The following KCNH1 variants were observed in gnomAD, a reference collection of about 807,000 sequenced individuals.
KCNH1 encodes the protein potassium voltage-gated channel subfamily H member 1.
Under a neutral mutation model 69.2 loss-of-function variants are expected in KCNH1, and 27 were observed. The ratio of observed to expected loss-of-function variants is 0.39; its 90% confidence interval spans 0.29 to 0.54. The LOEUF is 0.54. KCNH1 is among the 20% of genes least tolerant of loss of function. The pLI is 0.68. For synonymous variants in KCNH1, 456 were observed against 487.7 expected, an observed-to-expected ratio of 0.93 and a Z score of 0.86; for missense variants, 798 against 1,261.6, an observed-to-expected ratio of 0.63 and a Z score of 5.57.
chr1:210,834,001 G>A (rs571138330), intron 7 of KCNH1, among the ~76,000 whole-genome samples: 5 of 152,190 alleles, frequency 3.3e-5, no homozygotes, highest in African/African-American at 4.8e-5. Context: ...TCTCACACCA[G>A]TTAGAATGGC....
At chr1:210,712,305 T>C (rs1475164280) in intron 10 of KCNH1, among the ~76,000 whole-genome samples, 2 of 152,234 alleles carry the variant, frequency 1.3e-5, no homozygotes, top group East Asian at 1.9e-4. Flanking sequence ...GCAAGGGTCA[T>C]TGAGCCCATG....
intron 1 of KCNH1, among the ~76,000 whole-genome samples, chr1:211,119,690 A>AT (rs1204674462): frequency 6.6e-6 from 1 of 152,320 alleles, no homozygotes; most frequent in African/African-American, 2.4e-5. Context: ...CTCTATTGTG[A>AT]TTTTCAACAA....
intron 5 of KCNH1, among the ~76,000 whole-genome samples, chr1:211,034,828 C>A (rs771966297): frequency 2.0e-5 from 3 of 152,252 alleles, no homozygotes; most frequent in Middle Eastern, 6.8e-3. Context: ...TCAAAAGAAT[C>A]CACAGTAAAC....
At chr1:210,821,309 G>T (rs370147779) in intron 7 of KCNH1, among the ~76,000 whole-genome samples, 1 of 152,114 alleles carries the variant, frequency 6.6e-6, no homozygotes, top group Non-Finnish European at 1.5e-5. Context: ...ATAGCAAAGA[G>T]TAATAATAAA....
intron 10 of KCNH1, among the ~76,000 whole-genome samples, chr1:210,723,834 T>C (rs757979353): frequency 5.3e-5 from 8 of 152,190 alleles, no homozygotes; most frequent in Non-Finnish European, 1.2e-4. Flanking sequence ...TTGGGCAGCA[T>C]TGATGCTTTG....
chr1:210,721,656 G>A (rs1048765184), intron 10 of KCNH1, among the ~76,000 whole-genome samples: 23 of 152,112 alleles, frequency 1.5e-4, no homozygotes, highest in East Asian at 5.8e-4. Flanking sequence ...ATCAGAAGCC[G>A]TAGAAGGAGC....
At chr1:210,971,421 G>T (rs918541979) in intron 6 of KCNH1, among the ~76,000 whole-genome samples, 22 of 152,102 alleles carry the variant, frequency 1.4e-4, no homozygotes, top group Non-Finnish European at 2.6e-4. Flanking sequence ...AAAGCTGGTT[G>T]CTAAACACAG....
chr1:210,918,508 T>A (rs1687393802), intron 7 of KCNH1, among the ~76,000 whole-genome samples: 1 of 152,144 alleles, frequency 6.6e-6, no homozygotes, highest in African/African-American at 2.4e-5. Context: ...TACATAAGAC[T>A]CCCTTTAATG....
intron 7 of KCNH1, among the ~76,000 whole-genome samples, chr1:210,834,792 G>C (rs1180743444): frequency 1.3e-5 from 2 of 152,046 alleles, no homozygotes; most frequent in Non-Finnish European, 2.9e-5. Flanking sequence ...CTTACCAATG[G>C]AAGTAGCATG....
At chr1:210,728,565 A>G (rs1386918940) in intron 10 of KCNH1, among the ~76,000 whole-genome samples, 1 of 152,218 alleles carries the variant, frequency 6.6e-6, no homozygotes. Flanking sequence ...TCATTTACTT[A>G]AAATGGGAAA....
At chr1:210,718,913 G>A (rs142491409) in intron 10 of KCNH1, among the ~76,000 whole-genome samples, 24 of 151,916 alleles carry the variant, frequency 1.6e-4, no homozygotes, top group African/African-American at 5.6e-4. Context: ...AGACTCAAGA[G>A]TCTGTGGGGA....
chr1:211,047,260 A>G (rs1378227404), intron 5 of KCNH1, among the ~76,000 whole-genome samples: 2 of 152,196 alleles, frequency 1.3e-5, no homozygotes, highest in Non-Finnish European at 2.9e-5. Context: ...AATATCCTGA[A>G]CTAACTTAAA....
intron 7 of KCNH1, among the ~76,000 whole-genome samples, chr1:210,872,070 AAC>A (rs1335109904): frequency 3.3e-5 from 5 of 151,810 alleles, no homozygotes; most frequent in Non-Finnish European, 7.4e-5. Context: ...AATTAAAAAA[AAC>A]AAAATATATA....
intron 7 of KCNH1, among the ~76,000 whole-genome samples, chr1:210,916,369 T>A (rs780954448): frequency 6.6e-6 from 1 of 152,222 alleles, no homozygotes; most frequent in Non-Finnish European, 1.5e-5. Context: ...GACAGGTTGC[T>A]GAAAAATGAC....
In KCNH1 at chr1:211,067,854, A is replaced by G. The variant is rs117083110; in HGVS notation, c.558+14926T>C. Among the ~76,000 whole-genome samples, 66 of 152,310 alleles carry G rather than the reference A, an allele frequency of 4.3e-4. 2 individuals carry two copies. The East Asian group carries it at 0.011, about 26-fold the overall frequency. The stretch of plus-strand genomic sequence containing the variant: ...CTCATTCCAGAGTCCACCACTTACC[A>G]CCAGGTGACCTCGAACAAGTCAGTG... On this transcript the variant is annotated intron_variant, in intron 5 of 10. Coordinates refer to ENST00000271751, the MANE Select transcript of KCNH1 (RefSeq NM_172362.3).
At chr1:211,020,980 G>A (rs1167090182) in intron 5 of KCNH1, among the ~76,000 whole-genome samples, 1 of 152,120 alleles carries the variant, frequency 6.6e-6, no homozygotes, top group Non-Finnish European at 1.5e-5. Flanking sequence ...TAGAAGAAAG[G>A]TACTCAAATG....
chr1:210,960,603 T>C (rs1329399559), intron 6 of KCNH1, among the ~76,000 whole-genome samples: 1 of 152,248 alleles, frequency 6.6e-6, no homozygotes, highest in Non-Finnish European at 1.5e-5. Flanking sequence ...AGTTCATTCC[T>C]TTGTATTGCT....
intron 6 of KCNH1, among the ~76,000 whole-genome samples, chr1:210,959,958 T>C (rs1242858719): frequency 1.3e-5 from 2 of 152,166 alleles, no homozygotes; most frequent in Non-Finnish European, 2.9e-5. Flanking sequence ...GTACCTCAGT[T>C]GGAAATGCAG....
chr1:210,907,287 C>T (rs958219688), intron 7 of KCNH1, among the ~76,000 whole-genome samples: 1 of 151,936 alleles, frequency 6.6e-6, no homozygotes, highest in African/African-American at 2.4e-5. Flanking sequence ...GAAATTGTAC[C>T]CAGTGGGGAA....
Sources: gnomAD v4.1 joint callset for allele counts (sites outside exome capture counted in the v4.1 genomes callset) on GRCh38, gnomAD v4.1.1 for gene constraint, MANE v1.5 for transcripts, NCBI Gene and HGNC (gene_info 2026-07-23, HGNC 2026-07-21) for gene names.